Variants in PIP5K1B observed in about 807,000 individuals in gnomAD.
PIP5K1B encodes phosphatidylinositol 4-phosphate 5-kinase type-1 beta.
In PIP5K1B, 42 loss-of-function variants were observed where a neutral mutation model predicts 67.0. That is an observed-to-expected ratio of 0.63 (90% CI 0.49 to 0.81). The LOEUF (loss-of-function observed/expected upper bound fraction) is 0.81. Among genes scored for constraint, PIP5K1B ranks in the 30% least tolerant of loss-of-function variants. The pLI, the probability that PIP5K1B is intolerant of heterozygous loss-of-function variation, is 0.00. For synonymous variants in PIP5K1B, 214 were observed against 231.4 expected, an observed-to-expected ratio of 0.92 and a Z score of 0.68; for missense variants, 459 against 646.3, an observed-to-expected ratio of 0.71 and a Z score of 3.14.
chr9:68,953,823 A>C (rs1162329343), intron 14 of PIP5K1B, among the ~76,000 whole-genome samples: 1 of 134,704 alleles, frequency 7.4e-6, no homozygotes, highest in Admixed American at 7.2e-5. Flanking sequence ...AAAAAAAAAA[A>C]AAAAAAATCC....
At chr9:68,792,247 G>T (rs11143732) in intron 2 of PIP5K1B, among the ~76,000 whole-genome samples, 2,269 of 149,900 alleles carry the variant, frequency 0.015, 53 homozygotes, top group East Asian at 0.11. Flanking sequence ...GGGACATAAT[G>T]CAGAGCACAT....
At chr9:68,961,474 A>G (rs1310623534) in intron 14 of PIP5K1B, among the ~76,000 whole-genome samples, 4 of 152,222 alleles carry the variant, frequency 2.6e-5, no homozygotes, top group Non-Finnish European at 5.9e-5. Context: ...AACTATTTCA[A>G]ACAAGAAGTG....
intron 14 of PIP5K1B, among the ~76,000 whole-genome samples, chr9:68,943,361 A>T (rs1460408147): frequency 1.3e-5 from 2 of 152,186 alleles, no homozygotes; most frequent in Non-Finnish European, 2.9e-5. Flanking sequence ...TAGGGAAATC[A>T]TAAGGAAAAG....
chr9:68,960,779 T>C (rs1292614264), intron 14 of PIP5K1B, among the ~76,000 whole-genome samples: 1 of 152,234 alleles, frequency 6.6e-6, no homozygotes, highest in Non-Finnish European at 1.5e-5. Flanking sequence ...AGTTGGGGTC[T>C]AAGGGTTTTT....
chr9:68,944,583 G>A (rs1278851874), intron 14 of PIP5K1B, among the ~76,000 whole-genome samples: 2 of 152,128 alleles, frequency 1.3e-5, no homozygotes, highest in Admixed American at 1.3e-4. Flanking sequence ...TGTGAGAAGG[G>A]CAAAAATGTC....
chr9:68,754,358 A>G (rs1164774714), intron 2 of PIP5K1B, among the ~76,000 whole-genome samples: 1 of 150,482 alleles, frequency 6.6e-6, no homozygotes, highest in East Asian at 2.0e-4. Context: ...TTTAGTAGAG[A>G]CGGGGTTTCA....
At chr9:68,734,971 C>T (rs1053664883) in intron 1 of PIP5K1B, among the ~76,000 whole-genome samples, 2 of 152,182 alleles carry the variant, frequency 1.3e-5, no homozygotes, top group African/African-American at 4.8e-5. Context: ...CAACCTAGTG[C>T]CTTTCGGCCT....
At chr9:68,891,287 C>G (rs150685833) in intron 7 of PIP5K1B, among the ~76,000 whole-genome samples, 14 of 152,130 alleles carry the variant, frequency 9.2e-5, no homozygotes, top group African/African-American at 3.1e-4. Flanking sequence ...GTGATTTTAT[C>G]CCAATTATGT....
chr9:68,764,501 T>A (rs1404609468), intron 2 of PIP5K1B, among the ~76,000 whole-genome samples: 1 of 152,080 alleles, frequency 6.6e-6, no homozygotes, highest in Non-Finnish European at 1.5e-5. Flanking sequence ...GCTATATTTG[T>A]ATAATAATAA....
chr9:68,748,618 T>C (rs957008374), intron 2 of PIP5K1B, among the ~76,000 whole-genome samples: 6 of 100,932 alleles, frequency 5.9e-5, no homozygotes, highest in South Asian at 4.1e-4. Context: ...CTTTTCTTTT[T>C]TTTTTTTTTT....
intron 4 of PIP5K1B, among the ~76,000 whole-genome samples, chr9:68,842,081 C>G (rs111469681): frequency 0.013 from 2,002 of 152,350 alleles, 44 homozygotes; most frequent in African/African-American, 0.046. Context: ...CACCATCAAA[C>G]CATGTGCCCC....
chr9:68,725,278 G>C (rs773157762), intron 1 of PIP5K1B, among the ~76,000 whole-genome samples: 1 of 152,100 alleles, frequency 6.6e-6, no homozygotes, highest in Admixed American at 6.5e-5. Context: ...TGACTCATCC[G>C]GCCTCTCTGC....
chr9:68,753,341 G>GC (rs1829731772), intron 2 of PIP5K1B, among the ~76,000 whole-genome samples: 1 of 108,138 alleles, frequency 9.2e-6, no homozygotes, highest in Non-Finnish European at 1.8e-5. Flanking sequence ...ACATTTTCTT[G>GC]ATTTTTTTTT....
intron 4 of PIP5K1B, among the ~76,000 whole-genome samples, chr9:68,857,444 G>A (rs1822835701): frequency 6.6e-6 from 1 of 152,108 alleles, no homozygotes. Context: ...TTCTCTCAGT[G>A]GGAATCTATC....
intron 14 of PIP5K1B, among the ~76,000 whole-genome samples, chr9:68,954,734 G>A (rs1339644706): frequency 6.6e-6 from 1 of 152,204 alleles, no homozygotes; most frequent in Non-Finnish European, 1.5e-5. Context: ...TACGACAGCA[G>A]TGGCTGTGCT....
At chr9:68,904,245 GA>G (rs1393105734) in intron 8 of PIP5K1B, among the ~76,000 whole-genome samples, 1 of 152,328 alleles carries the variant, frequency 6.6e-6, no homozygotes, top group East Asian at 1.9e-4. Flanking sequence ...CCACTGAAAT[GA>G]AAACATTAAG....
chr9:68,934,259 G>C (rs1205276403), intron 12 of PIP5K1B, among the ~76,000 whole-genome samples: 2 of 152,188 alleles, frequency 1.3e-5, no homozygotes, highest in Non-Finnish European at 2.9e-5. Flanking sequence ...ACACACTTCT[G>C]AAGTTGTAGA....
At chr9:68,758,356 A>G (rs566934048) in intron 2 of PIP5K1B, among the ~76,000 whole-genome samples, 1 of 152,340 alleles carries the variant, frequency 6.6e-6, no homozygotes, top group African/African-American at 2.4e-5. Context: ...AAAATGCTCA[A>G]CAAGTAAAAA....
intron 2 of PIP5K1B, among the ~76,000 whole-genome samples, chr9:68,793,016 G>A (rs903996869): frequency 3.5e-5 from 4 of 113,320 alleles, no homozygotes; most frequent in Non-Finnish European, 6.1e-5. Context: ...GGTAGAAGGA[G>A]GGGCAGTAAC....
Sources: allele counts gnomAD v4.1 joint callset (sites outside exome capture counted in the v4.1 genomes callset), GRCh38; gene constraint gnomAD v4.1.1; transcripts MANE v1.5; gene names NCBI Gene and HGNC (gene_info 2026-07-23, HGNC 2026-07-21).